Variants in LIPA observed in about 807,000 individuals in gnomAD.
The protein encoded by LIPA is lysosomal acid lipase/cholesteryl ester hydrolase.
Under a neutral mutation model 40.6 loss-of-function variants are expected in LIPA, and 26 were observed. The ratio of observed to expected loss-of-function variants is 0.64; its 90% confidence interval spans 0.47 to 0.89. The LOEUF (loss-of-function observed/expected upper bound fraction) is 0.89, where lower values mean the gene tolerates loss of function less well. Among genes scored for constraint, LIPA ranks in the 40% least tolerant of loss-of-function variants. The pLI is 0.00. For missense variants in LIPA, 455 were observed against 479.6 expected (o/e 0.95, Z 0.48); for synonymous variants, 188 against 168.4 (o/e 1.12, Z -0.90).
chr10:89,363,275 G>A (rs1409686377), intron 2 of LIPA: 2 of 152,686 alleles, frequency 1.3e-5, no homozygotes, highest in Non-Finnish European at 2.9e-5. Context: ...TGAATTTGCT[G>A]TAGAGCAAAG....
chr10:89,355,157 G>A (rs1408699040), intron 2 of LIPA, among the ~76,000 whole-genome samples: 2 of 152,208 alleles, frequency 1.3e-5, no homozygotes, highest in African/African-American at 2.4e-5. Context: ...CAGGAATAAC[G>A]GCTATCAAAC....
chr10:89,215,140 A>G, intron 9 of LIPA, 79 bp from the exon 10 acceptor site: 1 of 1,032,608 alleles, frequency 9.7e-7, no homozygotes, highest in Non-Finnish European at 1.5e-6. Flanking sequence ...CGCAATCTCC[A>G]TTAAACATTG....
intron 1 of LIPA, among the ~76,000 whole-genome samples, chr10:89,300,679 A>C (rs2133516636): frequency 6.6e-6 from 1 of 152,330 alleles, no homozygotes; most frequent in East Asian, 1.9e-4. Flanking sequence ...AAAGTTCTGG[A>C]AAAAGCCAAC....
chr10:89,356,287 A>G (rs1357240369), intron 2 of LIPA, among the ~76,000 whole-genome samples: 1 of 152,110 alleles, frequency 6.6e-6, no homozygotes, highest in East Asian at 1.9e-4. Context: ...CAGCACCTCA[A>G]TGTGTTCACC....
At chr10:89,307,109 A>G in intron 1 of LIPA, 1 of 1,614,132 alleles carries the variant, frequency 6.2e-7, no homozygotes, top group Non-Finnish European at 8.5e-7. Flanking sequence ...GCTGTACCAA[A>G]TGAAGTGTGA....
chr10:89,269,125 G>A (rs1843252620), intron 1 of LIPA, among the ~76,000 whole-genome samples: 1 of 151,850 alleles, frequency 6.6e-6, no homozygotes, highest in Non-Finnish European at 1.5e-5. Flanking sequence ...AAAAGATCGA[G>A]ACCATCATGG....
intron 1 of LIPA, chr10:89,338,834 T>C (rs912082438): frequency 1.5e-5 from 24 of 1,614,028 alleles, no homozygotes; most frequent in Non-Finnish European, 1.8e-5. Context: ...TTGGCCTACA[T>C]AAAACACCTA....
Position 89,411,481 on chromosome 10 carries a change from T to C in LIPA, c.61+1310A>G, listed in dbSNP as rs143326266. ...AAGTTAATATGGACTGAACGAGGTCTTACTAATAGCAAAGAATAATTGAAA... is the reference window on the plus strand; with the variant it reads ...AAGTTAATATGGACTGAACGAGGTCCTACTAATAGCAAAGAATAATTGAAA... On this transcript the variant is annotated intron_variant, in intron 2 of 8. Coordinates refer to the LIPA transcript ENST00000371837. Among the ~76,000 whole-genome samples, 337 of 152,356 alleles carry C rather than the reference T, an allele frequency of 2.2e-3. 1 individual carries two copies. The highest frequency in any genetic ancestry group is 6.6e-3 in the African/African-American group (275 of 41,588).
chr10:89,228,425 C>A, intron 3 of LIPA, 27 bp from the exon 4 acceptor site: 1 of 1,583,640 alleles, frequency 6.3e-7, no homozygotes. Context: ...GTTTAGGAGG[C>A]AGTAGCACCA....
At chr10:89,229,576 C>A (rs564386033) in intron 3 of LIPA, among the ~76,000 whole-genome samples, 2 of 152,116 alleles carry the variant, frequency 1.3e-5, no homozygotes, top group South Asian at 2.1e-4. Flanking sequence ...CATGGCGAAA[C>A]CCTGTCTCTA....
In LIPA at chr10:89,292,630, C is replaced by CA. The variant is rs375215522; in HGVS notation, c.-1-44982dup. Among the ~76,000 whole-genome samples, 719 of 152,304 alleles carry CA rather than the reference C, an allele frequency of 4.7e-3. 5 individuals are homozygous for CA. The highest frequency in any genetic ancestry group is 0.017 in the African/African-American group (688 of 41,566). ...TACATAGTAGTCCACTCAATCTCCA[C>CA]AAAACCCTATGTGGTAAATACTAAC... On this transcript the variant is annotated intron_variant, in intron 1 of 5. Coordinates refer to the LIPA transcript ENST00000282673.
intron 1 of LIPA, among the ~76,000 whole-genome samples, chr10:89,300,273 G>A (rs960074479): frequency 2.0e-5 from 3 of 152,184 alleles, no homozygotes; most frequent in Non-Finnish European, 2.9e-5. Context: ...GGGAAGGGGG[G>A]TGGTGGGAAG....
upstream of LIPA, among the ~76,000 whole-genome samples, chr10:89,252,293 A>G (rs1464471097): frequency 6.6e-6 from 1 of 152,244 alleles, no homozygotes; most frequent in Non-Finnish European, 1.5e-5. Context: ...CAATATGTAC[A>G]TATTATTTAT....
rs1252967596 is a variant in LIPA, at chr10:89,310,647, G to A, written c.-2+31964C>T. 7.2e-5 allele frequency among the ~76,000 whole-genome samples: 11 copies of A among 152,322 alleles called. No individual in the cohort carries two copies. In the East Asian group the frequency reaches 1.7e-3, roughly 24 times the overall value. The stretch of plus-strand genomic sequence containing the variant: ...CTAAAATCCTTAGATGTACCTAGGT[G>A]CATGCACTTGTAAGAGAGGCATTCT... On this transcript the variant is annotated intron_variant, in intron 1 of 5. Transcript: ENST00000282673.
intron 1 of LIPA, among the ~76,000 whole-genome samples, chr10:89,270,975 G>A (rs987270341): frequency 3.9e-5 from 6 of 152,216 alleles, no homozygotes; most frequent in Non-Finnish European, 8.8e-5. Context: ...TGAATTGGAT[G>A]TTATCTGACC....
At chr10:89,306,928 G>A in intron 1 of LIPA, 1 of 1,613,994 alleles carries the variant, frequency 6.2e-7, no homozygotes, top group Non-Finnish European at 8.5e-7. Flanking sequence ...CTCATCTGAA[G>A]AAAGCTGATG....
chr10:89,396,281 A>T (rs976342630), intron 2 of LIPA, among the ~76,000 whole-genome samples: 1 of 152,186 alleles, frequency 6.6e-6, no homozygotes, highest in African/African-American at 2.4e-5. Context: ...GTGTTGCTAT[A>T]GAAGAATAAG....
At chr10:89,354,565 G>A (rs959768657) in intron 2 of LIPA, among the ~76,000 whole-genome samples, 4 of 152,158 alleles carry the variant, frequency 2.6e-5, no homozygotes, top group African/African-American at 9.7e-5. Context: ...TAGAAGTTTT[G>A]TTCTTGTTTT....
rs747214922 is a variant in LIPA at position 89,339,126 on chromosome 10, G to A, written c.-2+3485C>T. Reference sequence around the variant, plus strand: ...GTGGAAGAAATGAAAGGGCGAAGGTGTGTTTTGAGAAGGCTCTGGAAGAAA... The same window carrying A: ...GTGGAAGAAATGAAAGGGCGAAGGTATGTTTTGAGAAGGCTCTGGAAGAAA... On this transcript the variant is annotated intron_variant, in intron 1 of 5. Coordinates refer to the LIPA transcript ENST00000282673. 1.6e-5 allele frequency: 26 copies of A among 1,614,014 alleles called. No individual in the cohort carries two copies. The South Asian group carries it at 2.1e-4, about 13-fold the overall frequency.
Sources: allele counts gnomAD v4.1 joint callset (sites outside exome capture counted in the v4.1 genomes callset), GRCh38; gene constraint gnomAD v4.1.1; transcripts MANE v1.5; gene names NCBI Gene and HGNC (gene_info 2026-07-23, HGNC 2026-07-21).